UGGT1: variants seen among roughly 807,000 people sequenced by gnomAD.
UGGT1 encodes UDP-glucose glycoprotein glucosyltransferase 1.
In UGGT1, 107 loss-of-function variants were observed where a neutral mutation model predicts 203.9. That is an observed-to-expected ratio of 0.52 (90% CI 0.45 to 0.62). The LOEUF (loss-of-function observed/expected upper bound fraction) is 0.62. Among genes scored for constraint, UGGT1 ranks in the 20% least tolerant of loss-of-function variants. UGGT1 has a pLI of 0.00. For missense variants in UGGT1, 1,673 were observed against 1,867.2 expected (o/e 0.90, Z 1.92); for synonymous variants, 628 against 653.5 (o/e 0.96, Z 0.59).
rs764324701 is a variant in UGGT1 at position 128,159,749 on chromosome 2, C to T, written c.2562+29C>T. ...AGGCTCTGAGCCTCTCATGAGGCTG[C>T]CCCATTTTGTCTGCCACGGAAGCTC... is the stretch of plus-strand genomic sequence containing the variant. On this transcript the variant is annotated intron_variant, in intron 23 of 40. Transcript: ENST00000259253. 4 of 1,600,114 alleles carry T rather than the reference C, an allele frequency of 2.5e-6. No individual in the cohort carries two copies. In the African/African-American group the frequency reaches 5.4e-5, roughly 21 times the overall value.
intron 35 of UGGT1, among the ~76,000 whole-genome samples, chr2:128,180,234 G>A (rs914841721): frequency 6.6e-6 from 1 of 152,216 alleles, no homozygotes; most frequent in Non-Finnish European, 1.5e-5. Context: ...ACTCCTAGAT[G>A]ATGTATGGAA....
chr2:128,091,557 G>A (rs1418616335), intron 1 of UGGT1, 142 bp downstream of exon 1: 2 of 1,442,086 alleles, frequency 1.4e-6, no homozygotes, highest in African/African-American at 2.9e-5. Context: ...TCCCCTATTC[G>A]CGAGCGCCCC....
intron 1 of UGGT1, 106 bp downstream of exon 1, chr2:128,091,521 A>G: frequency 1.3e-6 from 2 of 1,487,746 alleles, no homozygotes; most frequent in African/African-American, 2.8e-5. Context: ...ACCGTGACTC[A>G]GTTTACCCTC....
At position 128,148,643 on chromosome 2, in the gene UGGT1, A is replaced by G. The variant is rs4130975; in HGVS notation, c.2016+2676A>G. 1.2e-3 allele frequency among the ~76,000 whole-genome samples: 189 copies of G among 152,276 alleles called. No homozygotes were observed. The East Asian group carries it at 0.033, about 27-fold the overall frequency. On this transcript the variant is annotated intron_variant, in intron 18 of 40. Coordinates refer to ENST00000259253, the MANE Select transcript of UGGT1 (RefSeq NM_020120.4). ...TAGAGGCAAGGGTTTAAGACCTTCTAAGATTTTCCCTGGGCATTCACGTAC... is the reference window on the plus strand; with the variant it reads ...TAGAGGCAAGGGTTTAAGACCTTCTGAGATTTTCCCTGGGCATTCACGTAC...
intron 2 of UGGT1, among the ~76,000 whole-genome samples, chr2:128,098,272 G>A (rs1687205645): frequency 6.6e-6 from 1 of 152,222 alleles, no homozygotes; most frequent in African/African-American, 2.4e-5. Context: ...TTTCCCTTAA[G>A]AACGTGGAAG....
chr2:128,161,074 T>C (rs991357555), intron 24 of UGGT1, 64 bp from the exon 25 acceptor site: 19 of 1,592,328 alleles, frequency 1.2e-5, no homozygotes, highest in Non-Finnish European at 1.5e-5. Flanking sequence ...AGAGGGTTCC[T>C]TACCAGCTTG....
rs2104849056 is a variant in UGGT1, at chr2:128,189,704, T to A, written c.4643-13T>A. 1.2e-6 allele frequency: 2 copies of A among 1,607,926 alleles called. No homozygotes were observed. Among genetic ancestry groups the A allele is most frequent in the Non-Finnish European group, 1.7e-6 (2 of 1,177,972 alleles). ...TCATCTGTTTTCTTTTCTGTGGTTC[T>A]CCTTTTCCTTAGGTCCTCAGAAACG... On this transcript the variant is annotated splice_polypyrimidine_tract_variant and intron_variant, in intron 40 of 40. Coordinates refer to ENST00000259253, the MANE Select transcript of UGGT1 (RefSeq NM_020120.4).
chr2:128,149,800 AT>A (rs200032304), intron 18 of UGGT1, among the ~76,000 whole-genome samples: 69 of 149,718 alleles, frequency 4.6e-4, no homozygotes, highest in South Asian at 3.6e-3. Context: ...AAAAAAAAAA[AT>A]AATAATAATA....
chr2:128,154,130 T>C (rs1274464918), intron 19 of UGGT1, among the ~76,000 whole-genome samples: 1 of 152,022 alleles, frequency 6.6e-6, no homozygotes. Flanking sequence ...AGTGTAAATA[T>C]AGGCTTATAT....
chr2:128,141,025 A>G (rs1689396414), intron 16 of UGGT1, among the ~76,000 whole-genome samples: 1 of 151,956 alleles, frequency 6.6e-6, no homozygotes, highest in South Asian at 2.1e-4. Flanking sequence ...AATACTGCTC[A>G]CTGTAAAAAC....
intron 14 of UGGT1, among the ~76,000 whole-genome samples, chr2:128,134,665 G>A (rs546670484): frequency 2.8e-4 from 43 of 152,270 alleles, no homozygotes; most frequent in Admixed American, 2.3e-3. Flanking sequence ...TGTTATCAGC[G>A]TAAGTCCATG....
intron 13 of UGGT1, among the ~76,000 whole-genome samples, chr2:128,131,622 G>A (rs1688881822): frequency 6.6e-6 from 1 of 151,292 alleles, no homozygotes; most frequent in Non-Finnish European, 1.5e-5. Flanking sequence ...GTGTTGTGTT[G>A]CATTGTGTTG....
chr2:128,182,350 T>G, intron 37 of UGGT1, 60 bp downstream of exon 37: 1 of 1,539,528 alleles, frequency 6.5e-7, no homozygotes, highest in Non-Finnish European at 8.7e-7. Flanking sequence ...TGATTTTGTG[T>G]GGTTAAAATT....
Position 128,129,131 on chromosome 2 carries a change from G to A in UGGT1, c.1329G>A (p.Gln443=). ...SLHNVLKLNI[Q]PSEADYAVDI... Reference sequence around the variant, plus strand: ...ATAATGTTTTGAAGCTGAACATCCAGCCCTCTGAGGCAGACTATGCCGTAG... The same window carrying A: ...ATAATGTTTTGAAGCTGAACATCCAACCCTCTGAGGCAGACTATGCCGTAG... The change falls in exon 13 of 41, where the codon CAG becomes CAA. Residue 443 remains glutamine, a synonymous_variant. Transcript: ENST00000259253. 1 of 1,614,024 alleles carries A rather than the reference G, an allele frequency of 6.2e-7. No individual in the cohort carries two copies.
At chr2:128,174,088 A>G (rs1422161826) in intron 30 of UGGT1, 149 bp downstream of exon 30, 9 of 953,906 alleles carry the variant, frequency 9.4e-6, no homozygotes, top group Non-Finnish European at 1.4e-5. Flanking sequence ...TCATTAGTTC[A>G]GCTAAATTTG....
intron 18 of UGGT1, among the ~76,000 whole-genome samples, chr2:128,148,279 A>G (rs988591719): frequency 6.6e-6 from 1 of 152,096 alleles, no homozygotes; most frequent in Non-Finnish European, 1.5e-5. Context: ...CCAGGCTCTA[A>G]TTTCAGAACA....
chr2:128,144,332 TTC>T (rs1173572124), intron 17 of UGGT1, among the ~76,000 whole-genome samples: 5 of 152,222 alleles, frequency 3.3e-5, no homozygotes, highest in Non-Finnish European at 5.9e-5. Flanking sequence ...TTGTGCTGCA[TTC>T]TGTTATTTGG....
At chr2:128,175,852 A>G (rs1691343412) in intron 31 of UGGT1, among the ~76,000 whole-genome samples, 1 of 152,212 alleles carries the variant, frequency 6.6e-6, no homozygotes, top group Non-Finnish European at 1.5e-5. Context: ...GCTAGATGAC[A>G]GCAAATGCAG....
chr2:128,138,624 C>T, intron 15 of UGGT1, 93 bp from the exon 16 acceptor site: 2 of 1,426,648 alleles, frequency 1.4e-6, no homozygotes, highest in East Asian at 2.3e-5. Flanking sequence ...CCTCTGTTAG[C>T]TATAATGTAT....
Sources: gnomAD v4.1 joint callset for allele counts (sites outside exome capture counted in the v4.1 genomes callset) on GRCh38, gnomAD v4.1.1 for gene constraint, MANE v1.5 for transcripts, NCBI Gene and HGNC (gene_info 2026-07-23, HGNC 2026-07-21) for gene names.